Variants in PRAM1 observed in about 807,000 individuals in gnomAD.
PRAM1 encodes the protein PML-RARA-regulated adapter molecule 1.
A neutral mutation model predicts 55.3 loss-of-function variants in PRAM1; 41 were observed. The ratio of observed to expected loss-of-function variants is 0.74; its 90% confidence interval spans 0.58 to 0.96. The LOEUF is 0.96. PRAM1 is among the 40% of genes least tolerant of loss of function. The pLI is 0.00. For synonymous variants in PRAM1, 401 were observed against 387.1 expected, an observed-to-expected ratio of 1.04 and a Z score of -0.42; for missense variants, 898 against 892.7, an observed-to-expected ratio of 1.01 and a Z score of -0.08.
chr19:8,498,483 C>T lies in PRAM1; in HGVS notation c.1325G>A (p.Arg442Lys). Residue 442 changes from arginine to lysine, a missense_variant, in exon 2 of 10, where the codon AGG becomes AAG. This residue lies in a region of PRAM1 where 787 missense variants were observed against 735.4 expected (regional missense o/e 1.07). Coordinates refer to ENST00000423345, the MANE Select transcript of PRAM1 (RefSeq NM_032152.5). The part of the protein sequence containing the change: ...GLRPSHPPRR[R>K]PLPPASSLGH... ...CAGGCTGCTGGCAGGGGGCAGAGGCCTCCGCCGGGGTGGATGGCTGGGTCT... is the reference window on the plus strand; with the variant it reads ...CAGGCTGCTGGCAGGGGGCAGAGGCTTCCGCCGGGGTGGATGGCTGGGTCT... The T allele has an allele frequency of 1.3e-6, 2 of 1,591,206 alleles. No individual in the cohort carries two copies. Among genetic ancestry groups the T allele is most frequent in the Non-Finnish European group, 1.7e-6 (2 of 1,168,632 alleles).
chr19:8,502,328 G>A (rs1397717006), intron 1 of PRAM1, among the ~76,000 whole-genome samples: 1 of 152,058 alleles, frequency 6.6e-6, no homozygotes, highest in Non-Finnish European at 1.5e-5. Context: ...AGTCCCATCT[G>A]TCCCCCTCGC....
chr19:8,490,508 A>G lies in PRAM1; in HGVS notation c.1908T>C (p.Tyr636=), dbSNP rs543755031. Reference sequence around the variant, plus strand: ...GGAGCGCTGTTCTGGGCACGTAGCCATCTGTGGAGAGAGTGGGCATGGTGG... The same window carrying G: ...GGAGCGCTGTTCTGGGCACGTAGCCGTCTGTGGAGAGAGTGGGCATGGTGG... The part of the protein sequence containing the change: ...EMLCRDPKGK[Y]GYVPRTALLP... The change falls in exon 8 of 10, where the codon TAT becomes TAC. Residue 636 remains tyrosine (Y), a splice_region_variant and synonymous_variant. Transcript: ENST00000423345. This position sits in a 1 kb window ranked among gnomAD's most constrained non-coding sequence, Gnocchi z 7.3. The G allele has an allele frequency of 3.1e-6, 5 of 1,611,238 alleles. No homozygotes were observed. The East Asian group carries it at 8.9e-5, about 29-fold the overall frequency.
At position 8,493,443 on chromosome 19, in the gene PRAM1, C is replaced by T. The variant is rs1316693882; in HGVS notation, c.1577-2286G>A. 6.6e-6 allele frequency among the ~76,000 whole-genome samples: 1 copy of T among 152,222 alleles called. No homozygotes were observed. Among genetic ancestry groups the T allele is most frequent in the East Asian group, 1.9e-4 (1 of 5,198 alleles). On this transcript the variant is annotated intron_variant, in intron 4 of 9. Transcript: ENST00000423345. This position sits in a 1 kb window ranked among gnomAD's most constrained non-coding sequence, Gnocchi z 4.1. ...TCACTCCACCAGGAGCGAACCTGAC[C>T]TTGGCACTCCAGGGTCCCTGCAAAC...
chr19:8,498,706 T>C lies in PRAM1; in HGVS notation c.1102A>G (p.Arg368Gly), dbSNP rs781014069. ...SQPEPSAVLKRHPQPEFFGDL... is the reference protein window; with the variant it reads ...SQPEPSAVLKGHPQPEFFGDL... ...CCGAAGAACTCAGGCTGCGGGTGTC[T>C]CTTGAGGACAGCGCTGGGCTCAGGC... The change falls in exon 2 of 10, where the codon AGA becomes GGA. Residue 368 changes from arginine to glycine, a missense_variant. Transcript: ENST00000423345. 2.5e-6 allele frequency: 4 copies of C among 1,598,654 alleles called. No individual in the cohort carries two copies. The South Asian group carries it at 4.5e-5, about 18-fold the overall frequency.
At chr19:8,500,232 C>T (rs1174378561) in intron 1 of PRAM1, among the ~76,000 whole-genome samples, 2 of 151,944 alleles carry the variant, frequency 1.3e-5, no homozygotes, top group Admixed American at 1.3e-4. Context: ...CTCGGCCTCC[C>T]CAGTAGCTGG....
chr19:8,498,768 T>TGCA lies in PRAM1; in HGVS notation c.1037_1039dup (p.Leu346dup). 2 of 1,573,760 alleles carry TGCA rather than the reference T, an allele frequency of 1.3e-6. No individual in the cohort carries two copies. Among genetic ancestry groups the TGCA allele is most frequent in the Non-Finnish European group, 1.7e-6 (2 of 1,160,326 alleles). ...GCGGGGTGGCCCCCGGCGCTCCGGC[T>TGCA]GCAGCAGCTTCCTGGGGAGTGAGTT... On this transcript the variant is annotated inframe_insertion, in exon 2 of 10. Transcript: ENST00000423345.
In PRAM1 at chr19:8,498,661, G is replaced by A; in HGVS notation, c.1147C>T (p.Pro383Ser). 2 of 1,609,922 alleles carry A rather than the reference G, an allele frequency of 1.2e-6. No individual in the cohort carries two copies. Among genetic ancestry groups the A allele is most frequent in the Non-Finnish European group, 1.7e-6 (2 of 1,178,500 alleles). ...CTCTCGGAAGCGGAGCTGGGGAGTG[G>A]AGGCTTTCGAGGGAGATCACCGAAG... ...EFFGDLPRKP[P>S]LPSSASESSL... Residue 383 changes from proline to serine, a missense_variant, in exon 2 of 10, where the codon CCA becomes TCA. Physicochemically the swap from Pro to Ser is moderately conservative, Grantham distance 74. This residue lies in a region of PRAM1 where 787 missense variants were observed against 735.4 expected (regional missense o/e 1.07). Coordinates refer to ENST00000423345, the MANE Select transcript of PRAM1 (RefSeq NM_032152.5).
intron 3 of PRAM1, 48 bp downstream of exon 3, chr19:8,498,174 CT>C: frequency 6.3e-7 from 1 of 1,582,434 alleles, no homozygotes; most frequent in Non-Finnish European, 8.6e-7. Flanking sequence ...GATGAGGCCT[CT>C]TTGAGCCCCA....
intron 4 of PRAM1, 68 bp downstream of exon 4, chr19:8,497,696 C>A: frequency 7.5e-7 from 1 of 1,340,422 alleles, no homozygotes; most frequent in Non-Finnish European, 1.1e-6. Flanking sequence ...GCTCTTACAC[C>A]AGGAGCATGG....
chr19:8,490,495 T>C lies in PRAM1; in HGVS notation c.1921A>G (p.Arg641Gly). The change falls in exon 8 of 10, where the codon AGA becomes GGA. Residue 641 changes from arginine (R) to glycine (G), a missense_variant. This residue lies in a region of PRAM1 where 787 missense variants were observed against 735.4 expected (regional missense o/e 1.07). Coordinates refer to ENST00000423345, the MANE Select transcript of PRAM1 (RefSeq NM_032152.5). This position sits in a 1 kb window ranked among gnomAD's most constrained non-coding sequence, Gnocchi z 7.3. ...ACTCACAGGGGCAGGAGCGCTGTTCTGGGCACGTAGCCATCTGTGGAGAGA... is the reference window on the plus strand; with the variant it reads ...ACTCACAGGGGCAGGAGCGCTGTTCCGGGCACGTAGCCATCTGTGGAGAGA... ...DPKGKYGYVPRTALLPLETEV... is the reference protein window; with the variant it reads ...DPKGKYGYVPGTALLPLETEV... The C allele has an allele frequency of 4.3e-6, 7 of 1,612,258 alleles. No individual in the cohort carries two copies. The highest frequency in any genetic ancestry group is 5.9e-6 in the Non-Finnish European group (7 of 1,179,310).
intron 4 of PRAM1, among the ~76,000 whole-genome samples, chr19:8,496,505 G>A (rs572595193): frequency 3.0e-4 from 45 of 151,868 alleles, no homozygotes; most frequent in Non-Finnish European, 3.1e-4. Flanking sequence ...TGGGTGGATC[G>A]TTTGAGGTCA....
rs760749254 is a variant in PRAM1 at position 8,499,780 on chromosome 19, C to T, written c.28G>A (p.Glu10Lys). The part of the protein sequence containing the change: MAHHLPAAM[E>K]SHQDFRSIKA... ...ATGCTCCGGAAGTCCTGATGGCTCT[C>T]CTAGGAGACGCAGAGCCAATGAGGC... is the stretch of plus-strand genomic sequence containing the variant. Residue 10 changes from glutamate to lysine, a missense_variant and splice_region_variant, in exon 2 of 10, where the codon GAG (glutamate) becomes AAG (lysine). Around this residue, in one of 4 missense-constraint regions of PRAM1, gnomAD observed 79 missense variants for 93.4 expected, o/e 0.85. Transcript: ENST00000423345. 2 of 1,592,188 alleles carry T rather than the reference C, an allele frequency of 1.3e-6. No homozygotes were observed. Among genetic ancestry groups the T allele is most frequent in the African/African-American group, 2.7e-5 (2 of 74,146 alleles).
Position 8,499,102 on chromosome 19 carries a change from G to T in PRAM1, c.706C>A (p.Leu236Ile), listed in dbSNP as rs750766959. 6.2e-7 allele frequency: 1 copy of T among 1,613,684 alleles called. No homozygotes were observed. The highest frequency in any genetic ancestry group is 2.2e-5 in the East Asian group (1 of 44,832). The change falls in exon 2 of 10, where the codon CTC becomes ATC. Residue 236 changes from leucine (L) to isoleucine (I), a missense_variant. Transcript: ENST00000423345. ...KKPPQPQVGG[L>I]PKKSVPQPEF... Reference sequence around the variant, plus strand: ...GGCTGCGGCACGGACTTCTTAGGGAGGCCACCGACCTGAGGCTGCGGAGGC... The same window carrying T: ...GGCTGCGGCACGGACTTCTTAGGGATGCCACCGACCTGAGGCTGCGGAGGC...
At chr19:8,494,932 C>CTT (rs769996945) in intron 4 of PRAM1, among the ~76,000 whole-genome samples, 7 of 135,854 alleles carry the variant, frequency 5.2e-5, no homozygotes, top group African/African-American at 8.1e-5. Flanking sequence ...TGCGCCTGGC[C>CTT]TTTTTTTTTT....
intron 1 of PRAM1, 34 bp downstream of exon 1, chr19:8,502,531 A>G: frequency 7.0e-7 from 1 of 1,435,898 alleles, no homozygotes; most frequent in Non-Finnish European, 9.2e-7. Flanking sequence ...CTTGCTTCCC[A>G]GCCAGTGAGG....
Position 8,497,780 on chromosome 19 carries a change from G to T in PRAM1, c.1560C>A (p.Pro520=). The T allele has an allele frequency of 6.2e-7, 1 of 1,611,708 alleles. No individual in the cohort carries two copies. The highest frequency in any genetic ancestry group is 1.1e-5 in the South Asian group (1 of 90,962). The change falls in exon 4 of 10, where the codon CCC becomes CCA. Residue 520 remains proline, a synonymous_variant. Coordinates refer to ENST00000423345, the MANE Select transcript of PRAM1 (RefSeq NM_032152.5). ...DDVEPRDDSS[P]SPKGRDEAPS... The stretch of plus-strand genomic sequence containing the variant: ...CCAACAAACCTCTGCCCTTGGGGCT[G>T]GGGCTGGAGTCATCTCTGGGTTCCA...
rs1425720151 is a variant in PRAM1, at chr19:8,498,888, T to C, written c.920A>G (p.Lys307Arg). The change falls in exon 2 of 10, where the codon AAG becomes AGG. Residue 307 changes from lysine (K) to arginine (R), a missense_variant. Lys to Arg is a conservative substitution (Grantham distance 26). This residue lies in a region of PRAM1 where 787 missense variants were observed against 735.4 expected (regional missense o/e 1.07). Transcript: ENST00000423345. ...TTTGAATTCGGCCGGCCGCGGCCTC[T>C]TGGGAAGCACGCTGACTTCGGGCTC... is the stretch of plus-strand genomic sequence containing the variant. ...SSEPEVSVLPKRPRPAEFKAL... is the reference protein window; with the variant it reads ...SSEPEVSVLPRRPRPAEFKAL... 1 of 1,612,732 alleles carries C rather than the reference T, an allele frequency of 6.2e-7. No individual in the cohort carries two copies. The highest frequency in any genetic ancestry group is 1.7e-5 in the Admixed American group (1 of 59,910).
At chr19:8,502,457 A>C (rs867593301) in intron 1 of PRAM1, 108 bp downstream of exon 1, 306 of 469,946 alleles carry the variant, frequency 6.5e-4, no homozygotes, top group South Asian at 8.5e-4. Context: ...TTTCGCAGCC[A>C]CCCCCCGCCC....
intron 4 of PRAM1, among the ~76,000 whole-genome samples, chr19:8,495,139 G>A (rs749412736): frequency 7.5e-4 from 112 of 149,956 alleles, no homozygotes; most frequent in Non-Finnish European, 1.4e-3. Flanking sequence ...TCACTCTGTC[G>A]CCCAAGCTGG....
Sources: gnomAD v4.1 joint callset for allele counts (sites outside exome capture counted in the v4.1 genomes callset) on GRCh38, gnomAD v4.1.1 for gene constraint, gnomAD v4.1.1 regional missense constraint, Gnocchi (gnomAD v3.1) non-coding constraint, MANE v1.5 for transcripts, NCBI Gene and HGNC (gene_info 2026-07-23, HGNC 2026-07-21) for gene names.